Variants in DOCK1 observed in about 807,000 individuals in gnomAD.
The protein encoded by DOCK1 is dedicator of cytokinesis 1.
DOCK1 carries 138 observed loss-of-function variants against 262.7 expected under a neutral mutation model. That is an observed-to-expected ratio of 0.53 (90% CI 0.46 to 0.61). The LOEUF is 0.61. Ranked by LOEUF, DOCK1 falls within the 20% of genes least tolerant of loss-of-function variation. The probability of loss-of-function intolerance (pLI) is 0.00; values close to 1 mark genes in which losing one functional copy is unlikely to be tolerated. For missense variants in DOCK1, 1,908 were observed against 2,370.7 expected (o/e 0.80, Z 4.05); for synonymous variants, 866 against 867.4 (o/e 1.00, Z 0.03).
intron 12 of DOCK1, among the ~76,000 whole-genome samples, chr10:127,017,128 C>G (rs1313789928): frequency 1.1e-5 from 1 of 92,702 alleles, no homozygotes; most frequent in African/African-American, 4.4e-5. Flanking sequence ...ACCATAAAAA[C>G]AGACATACAC....
At chr10:127,421,218 G>C (rs530856127) in intron 46 of DOCK1, among the ~76,000 whole-genome samples, 1 of 152,130 alleles carries the variant, frequency 6.6e-6, no homozygotes, top group Admixed American at 6.5e-5. Flanking sequence ...CCAGGCCACT[G>C]TGAGCATTTT....
At chr10:126,948,529 T>A (rs2035821570) in intron 1 of DOCK1, among the ~76,000 whole-genome samples, 1 of 151,856 alleles carries the variant, frequency 6.6e-6, no homozygotes, top group Admixed American at 6.6e-5. Flanking sequence ...TTTGAGGGCA[T>A]CTGGATGAAC....
intron 29 of DOCK1, among the ~76,000 whole-genome samples, chr10:127,283,811 T>A (rs902186473): frequency 1.3e-5 from 2 of 152,236 alleles, no homozygotes; most frequent in Non-Finnish European, 2.9e-5. Flanking sequence ...TGCTCTCAAG[T>A]TGTATCTGTT....
intron 28 of DOCK1, among the ~76,000 whole-genome samples, chr10:127,255,991 T>C (rs2134926883): frequency 6.6e-6 from 1 of 152,312 alleles, no homozygotes; most frequent in South Asian, 2.1e-4. Flanking sequence ...ATGCTCCCGC[T>C]CCTGAGAGCA....
intron 27 of DOCK1, among the ~76,000 whole-genome samples, chr10:127,197,294 A>G (rs1477232260): frequency 6.6e-6 from 1 of 152,212 alleles, no homozygotes; most frequent in Non-Finnish European, 1.5e-5. Context: ...CAGGGCGCAG[A>G]GGCTGAGTTC....
At chr10:126,975,186 T>C (rs2038423912) in intron 2 of DOCK1, among the ~76,000 whole-genome samples, 2 of 152,202 alleles carry the variant, frequency 1.3e-5, no homozygotes, top group South Asian at 4.1e-4. Flanking sequence ...GTCCCTTTAG[T>C]CCATGGCTCT....
chr10:127,205,566 A>ACCC (rs1294045840), intron 27 of DOCK1, among the ~76,000 whole-genome samples: 4 of 152,208 alleles, frequency 2.6e-5, no homozygotes, highest in Non-Finnish European at 4.4e-5. Flanking sequence ...CACAGCAAAC[A>ACCC]CCATGTGGCT....
At chr10:127,369,534 AG>A (rs1248021247) in intron 33 of DOCK1, among the ~76,000 whole-genome samples, 1 of 152,210 alleles carries the variant, frequency 6.6e-6, no homozygotes, top group African/African-American at 2.4e-5. Flanking sequence ...ATGTTCCCAG[AG>A]TCCTCTGGAA....
rs535345234 is a variant in DOCK1, at chr10:127,430,419, A to G, written c.4915-2864A>G. On this transcript the variant is annotated intron_variant, in intron 47 of 51. Transcript: ENST00000623213. ...TAGCTTCACCTATTCCTTGTGCTGG[A>G]GTTCCATGGTGAGGAGAAGCAGTGT... Among the ~76,000 whole-genome samples, 83 of 152,272 alleles carry G rather than the reference A, an allele frequency of 5.5e-4. 1 individual carries two copies. Among genetic ancestry groups the G allele is most frequent in the Admixed American group, 3.2e-3 (49 of 15,278 alleles).
Position 127,175,898 on chromosome 10 carries a change from C to T in DOCK1, c.2847+48134C>T, listed in dbSNP as rs1165460780. 2.5e-6 allele frequency: 4 copies of T among 1,614,062 alleles called. No homozygotes were observed. In the African/African-American group the frequency reaches 5.3e-5, roughly 22 times the overall value. ...AAACCAAGGCTGTGGTCTTGTGCAC[C>T]CGCCCCGCGCCACATGGCCGGGCCT... is the stretch of plus-strand genomic sequence containing the variant. On this transcript the variant is annotated intron_variant, in intron 27 of 51. Transcript: ENST00000623213. This position sits in a 1 kb window ranked among gnomAD's most constrained non-coding sequence, Gnocchi z 6.3.
chr10:127,303,009 A>G (rs184381308), intron 29 of DOCK1, among the ~76,000 whole-genome samples: 2 of 152,288 alleles, frequency 1.3e-5, no homozygotes, highest in East Asian at 3.9e-4. Context: ...TAAGTTTATA[A>G]TCAGAAACAA....
Position 127,190,664 on chromosome 10 carries a change from TTCCCCCCC to T in DOCK1, c.2848-57343_2848-57336del, listed in dbSNP as rs753074426. On this transcript the variant is annotated intron_variant, in intron 27 of 51. Coordinates refer to ENST00000623213, the MANE Select transcript of DOCK1 (RefSeq NM_001290223.2). ...TCAAATATTTAATAGAAATCCTATC[TTCCCCCCC>T]CCCCCCCCCCCGTTCCTGCTGGCTC... 4.5e-3 allele frequency among the ~76,000 whole-genome samples: 68 copies of T among 15,268 alleles called. 18 individuals carry two copies. The highest frequency in any genetic ancestry group is 0.019 in the South Asian group (6 of 320). The allele number at this position is 15,268 out of a possible 152,430, so 10.0% of individuals were successfully genotyped here. A position where few individuals can be genotyped will look rare whatever the true frequency, so the allele number is the denominator to read the frequency against.
chr10:127,210,638 C>T (rs1333668647), intron 27 of DOCK1, among the ~76,000 whole-genome samples: 3 of 152,202 alleles, frequency 2.0e-5, no homozygotes, highest in East Asian at 1.9e-4. Context: ...CCCTGGGTGG[C>T]TCCAGCCATG....
intron 22 of DOCK1, among the ~76,000 whole-genome samples, chr10:127,056,622 T>C (rs2045171489): frequency 6.6e-6 from 1 of 152,156 alleles, no homozygotes. Flanking sequence ...TTCTCTCTTT[T>C]GTCCCTTCCT....
chr10:127,271,620 G>T (rs1172942673), intron 29 of DOCK1, among the ~76,000 whole-genome samples: 1 of 152,078 alleles, frequency 6.6e-6, no homozygotes, highest in Non-Finnish European at 1.5e-5. Flanking sequence ...TTGTGCATGG[G>T]TCTTTGGCAC....
At chr10:127,187,037 TC>T (rs1288480731) in intron 27 of DOCK1, among the ~76,000 whole-genome samples, 4 of 152,154 alleles carry the variant, frequency 2.6e-5, no homozygotes, top group African/African-American at 4.8e-5. Flanking sequence ...CAACCCCATC[TC>T]CTGTCCAGAA....
At chr10:127,179,742 C>T (rs2055544674) in intron 27 of DOCK1, among the ~76,000 whole-genome samples, 1 of 152,166 alleles carries the variant, frequency 6.6e-6, no homozygotes, top group South Asian at 2.1e-4. Flanking sequence ...CAAGTGGAAC[C>T]TTCTCCCACA....
chr10:127,381,409 T>A, intron 37 of DOCK1, 41 bp downstream of exon 37: 1 of 1,536,100 alleles, frequency 6.5e-7, no homozygotes, highest in Non-Finnish European at 8.9e-7. Context: ...TCTATTGTTA[T>A]AAATTCTAAC....
At chr10:127,277,793 G>A (rs977743451) in intron 29 of DOCK1, among the ~76,000 whole-genome samples, 5 of 152,094 alleles carry the variant, frequency 3.3e-5, no homozygotes, top group Non-Finnish European at 7.4e-5. Flanking sequence ...TCGATGAAAC[G>A]ATTTGAACGC....
Sources: allele counts gnomAD v4.1 joint callset (sites outside exome capture counted in the v4.1 genomes callset), GRCh38; gene constraint gnomAD v4.1.1; non-coding constraint Gnocchi (gnomAD v3.1); transcripts MANE v1.5; gene names NCBI Gene and HGNC (gene_info 2026-07-23, HGNC 2026-07-21).